The following AGMO variants were observed in gnomAD, a reference collection of about 807,000 sequenced individuals.
AGMO encodes the protein alkylglycerol monooxygenase, also known as glyceryl-ether monooxygenase.
A neutral mutation model predicts 60.2 loss-of-function variants in AGMO; 75 were observed. The observed-to-expected ratio is 1.25, with a 90% CI of 1.03 to 1.51. The LOEUF is 1.51. Among genes scored for constraint, AGMO ranks in the 40% most tolerant of loss-of-function variants. The pLI is 0.00. For synonymous variants in AGMO, 261 were observed against 177.1 expected (o/e 1.47, Z -3.76); for missense variants, 763 against 525.5 (o/e 1.45, Z -4.42).
chr7:15,410,547 A>G (rs979583229), intron 5 of AGMO, among the ~76,000 whole-genome samples: 3 of 151,924 alleles, frequency 2.0e-5, no homozygotes, highest in Non-Finnish European at 4.4e-5. Flanking sequence ...CATATTAAAC[A>G]AAATATCTAT....
intron 2 of AGMO, among the ~76,000 whole-genome samples, chr7:15,548,423 A>G (rs1583675941): frequency 6.6e-6 from 1 of 151,742 alleles, no homozygotes; most frequent in East Asian, 1.9e-4. Context: ...TTTGAAAAAA[A>G]TTTAGAAGAA....
chr7:15,401,352 T>C (rs1784547676), intron 5 of AGMO, among the ~76,000 whole-genome samples: 1 of 152,180 alleles, frequency 6.6e-6, no homozygotes, highest in Non-Finnish European at 1.5e-5. Flanking sequence ...AGTTAGATTT[T>C]TGTGGCTTGG....
the AGMO span, among the ~76,000 whole-genome samples, chr7:15,125,662 G>A: frequency 2.0e-5 from 3 of 151,854 alleles, no homozygotes; most frequent in African/African-American, 7.3e-5. Flanking sequence ...AGAAAAAAGA[G>A]GCCTTAAGTA....
At chr7:15,557,600 T>A (rs936185295) in intron 2 of AGMO, among the ~76,000 whole-genome samples, 1 of 151,132 alleles carries the variant, frequency 6.6e-6, no homozygotes, top group South Asian at 2.1e-4. Context: ...TTTGGGATTT[T>A]TTTTTAATAG....
At chr7:15,531,573 C>CTATATATATTCTATATATATTCT in intron 3 of AGMO, among the ~76,000 whole-genome samples, 1 of 39,406 alleles carries the variant, frequency 2.5e-5, no homozygotes, top group Non-Finnish European at 4.4e-5. Context: ...CTATATATTC[C>CTATATATATTCTATATATATTCT]ATATATATAT....
At chr7:15,324,378 C>G (rs922947680) in intron 12 of AGMO, among the ~76,000 whole-genome samples, 1 of 152,164 alleles carries the variant, frequency 6.6e-6, no homozygotes, top group East Asian at 1.9e-4. Flanking sequence ...TGCTGATGTT[C>G]TATCTTTTAA....
At chr7:15,213,297 C>T (rs1217886413) in intron 12 of AGMO, among the ~76,000 whole-genome samples, 1 of 151,814 alleles carries the variant, frequency 6.6e-6, no homozygotes, top group South Asian at 2.1e-4. Context: ...GGACTCTCAT[C>T]CTTTGGGTCA....
chr7:15,480,258 A>C (rs180993532), intron 3 of AGMO, among the ~76,000 whole-genome samples: 197 of 152,298 alleles, frequency 1.3e-3, no homozygotes, highest in African/African-American at 4.3e-3. Context: ...TACGTGGAAG[A>C]AACTTTGGGT....
At chr7:15,184,681 G>A in the AGMO span, among the ~76,000 whole-genome samples, 2 of 36,504 alleles carry the variant, frequency 5.5e-5, no homozygotes, top group African/African-American at 2.7e-4. Flanking sequence ...GAGGGAGGGA[G>A]GGAAGGAAGG....
At chr7:15,356,566 G>C (rs905128902) in intron 12 of AGMO, among the ~76,000 whole-genome samples, 2 of 151,904 alleles carry the variant, frequency 1.3e-5, no homozygotes, top group Non-Finnish European at 2.9e-5. Context: ...GAAATGATAA[G>C]CACAAAGTAC....
chr7:15,459,238 G>C (rs771532289), intron 3 of AGMO, among the ~76,000 whole-genome samples: 1 of 152,140 alleles, frequency 6.6e-6, no homozygotes, highest in East Asian at 1.9e-4. Context: ...ATCACCCAAT[G>C]AGTTGTTTTG....
intron 12 of AGMO, among the ~76,000 whole-genome samples, chr7:15,235,999 T>C (rs1782407252): frequency 6.6e-6 from 1 of 152,140 alleles, no homozygotes; most frequent in Non-Finnish European, 1.5e-5. Flanking sequence ...TATTAGTGGA[T>C]GGGACCTCAA....
chr7:15,361,546 A>ACAAAAAAAAAAAAAAAAAAAAAAAAAAG (rs1782758401), intron 12 of AGMO, among the ~76,000 whole-genome samples: 1 of 91,408 alleles, frequency 1.1e-5, no homozygotes, highest in Non-Finnish European at 2.2e-5. Flanking sequence ...TCTCAAAAAA[A>ACAAAAAAAAAAAAAAAAAAAAAAAAAAG]AAAAAAAAGG....
intron 6 of AGMO, among the ~76,000 whole-genome samples, chr7:15,392,532 G>A (rs1232837060): frequency 6.6e-6 from 1 of 152,094 alleles, no homozygotes; most frequent in African/African-American, 2.4e-5. Context: ...TGGGTGCAGT[G>A]ACTCAGGCCT....
intron 6 of AGMO, among the ~76,000 whole-genome samples, 155 bp downstream of exon 6, chr7:15,393,958 C>T (rs948328514): frequency 2.5e-5 from 3 of 119,932 alleles, no homozygotes; most frequent in African/African-American, 9.6e-5. Context: ...GGAGATGAGG[C>T]TTGTACCAAA....
chr7:15,132,977 T>C, the AGMO span, among the ~76,000 whole-genome samples: 1 of 152,152 alleles, frequency 6.6e-6, no homozygotes, highest in African/African-American at 2.4e-5. Context: ...ACGGTTATAA[T>C]GGTCAACCTT....
intron 12 of AGMO, among the ~76,000 whole-genome samples, chr7:15,294,614 TAAGATA>T (rs1181485585): frequency 1.3e-5 from 2 of 151,966 alleles, no homozygotes; most frequent in African/African-American, 4.8e-5. Flanking sequence ...GTGAATAATT[TAAGATA>T]AAGATAATTT....
chr7:15,514,981 G>A (rs919996621), intron 3 of AGMO, among the ~76,000 whole-genome samples: 12 of 152,160 alleles, frequency 7.9e-5, no homozygotes, highest in Non-Finnish European at 1.3e-4. Flanking sequence ...CAGCAATGCT[G>A]CAACAGTTTA....
intron 12 of AGMO, among the ~76,000 whole-genome samples, chr7:15,310,419 A>C (rs527929641): frequency 2.4e-4 from 37 of 152,286 alleles, no homozygotes; most frequent in African/African-American, 8.7e-4. Context: ...CCATTTGGAA[A>C]ATTTTGTCTT....
Sources: allele counts gnomAD v4.1 joint callset (sites outside exome capture counted in the v4.1 genomes callset), GRCh38; gene constraint gnomAD v4.1.1; transcripts MANE v1.5; gene names NCBI Gene and HGNC (gene_info 2026-07-23, HGNC 2026-07-21).